GRIK4: variants seen among roughly 807,000 people sequenced by gnomAD.
GRIK4 encodes glutamate ionotropic receptor kainate type subunit 4, also known as glutamate receptor ionotropic, kainate 4.
In GRIK4, 40 loss-of-function variants were observed where a neutral mutation model predicts 104.9. That is an observed-to-expected ratio of 0.38 (90% CI 0.30 to 0.50). GRIK4 has a LOEUF of 0.50. Ranked by LOEUF, GRIK4 falls within the 20% of genes least tolerant of loss-of-function variation. GRIK4 has a pLI of 0.93. For synonymous variants in GRIK4, 485 were observed against 524.9 expected, an observed-to-expected ratio of 0.92 and a Z score of 1.04; for missense variants, 1,047 against 1,308.1, an observed-to-expected ratio of 0.80 and a Z score of 3.08.
chr11:120,824,558 T>G (rs924581742), intron 6 of GRIK4, among the ~76,000 whole-genome samples: 14 of 143,774 alleles, frequency 9.7e-5, no homozygotes, highest in Admixed American at 3.4e-4. Flanking sequence ...CTTTTCTTTT[T>G]TTTTTTTTTT....
chr11:120,735,998 A>T (rs138028691), intron 3 of GRIK4, among the ~76,000 whole-genome samples: 10 of 152,100 alleles, frequency 6.6e-5, no homozygotes, highest in African/African-American at 2.4e-4. Flanking sequence ...GGACTCAGGG[A>T]TCCCAAGAGC....
At chr11:120,787,477 T>G (rs1952305021) in intron 3 of GRIK4, among the ~76,000 whole-genome samples, 1 of 151,844 alleles carries the variant, frequency 6.6e-6, no homozygotes, top group African/African-American at 2.4e-5. Context: ...TTTTATTTTA[T>G]TTTTTGAGAC....
At chr11:120,554,987 C>T (rs1948173756) in intron 1 of GRIK4, among the ~76,000 whole-genome samples, 1 of 152,144 alleles carries the variant, frequency 6.6e-6, no homozygotes, top group Non-Finnish European at 1.5e-5. Context: ...CAGAGGGAGA[C>T]CGCAACCACA....
intron 1 of GRIK4, among the ~76,000 whole-genome samples, chr11:120,650,306 C>A (rs1374133478): frequency 2.6e-5 from 4 of 152,186 alleles, no homozygotes; most frequent in African/African-American, 9.7e-5. Flanking sequence ...GGCTTTTGTA[C>A]TTACGGATGC....
At chr11:120,885,793 G>A (rs1006359589) in intron 11 of GRIK4, among the ~76,000 whole-genome samples, 12 of 152,224 alleles carry the variant, frequency 7.9e-5, no homozygotes, top group Admixed American at 1.3e-4. Flanking sequence ...CCATGAGCTA[G>A]GTGGGAAGTC....
Position 120,902,943 on chromosome 11 carries a change from C to T in GRIK4, c.1273-2347C>T, listed in dbSNP as rs564089574. 2.5e-3 allele frequency among the ~76,000 whole-genome samples: 375 copies of T among 152,270 alleles called. 2 individuals carry two copies. The highest frequency in any genetic ancestry group is 8.3e-3 in the African/African-American group (344 of 41,540). Reference sequence around the variant, plus strand: ...AGAATCAGAATCACGTCACCTTCCACTCAGAGCTCCCGCTCCCTGACACAT... The same window carrying T: ...AGAATCAGAATCACGTCACCTTCCATTCAGAGCTCCCGCTCCCTGACACAT... On this transcript the variant is annotated intron_variant, in intron 12 of 20. Coordinates refer to ENST00000527524, the MANE Select transcript of GRIK4 (RefSeq NM_014619.5). The surrounding 1 kb of genome is among the most constrained non-coding windows in gnomAD (Gnocchi z 4.5).
At chr11:120,834,439 T>A (rs537296795) in intron 7 of GRIK4, among the ~76,000 whole-genome samples, 1 of 152,318 alleles carries the variant, frequency 6.6e-6, no homozygotes, top group South Asian at 2.1e-4. Context: ...CACTGATCAA[T>A]GAGCAGCAAG....
At chr11:120,781,939 C>T (rs1952166211) in intron 3 of GRIK4, among the ~76,000 whole-genome samples, 2 of 152,156 alleles carry the variant, frequency 1.3e-5, no homozygotes, top group African/African-American at 2.4e-5. Context: ...CCGCTGAACG[C>T]CAGTGGCTGC....
chr11:120,577,269 C>T (rs990224911), intron 1 of GRIK4, among the ~76,000 whole-genome samples: 3 of 152,022 alleles, frequency 2.0e-5, no homozygotes, highest in Admixed American at 2.0e-4. Flanking sequence ...ACATGTGGAG[C>T]ATGGGGTGGA....
intron 1 of GRIK4, among the ~76,000 whole-genome samples, chr11:120,629,920 C>G (rs1591753499): frequency 1.3e-5 from 2 of 152,302 alleles, no homozygotes; most frequent in East Asian, 3.9e-4. Context: ...TGTCCTAGTG[C>G]TAATCCAGTT....
At chr11:120,979,896 G>A (rs1013152376) in intron 19 of GRIK4, among the ~76,000 whole-genome samples, 12 of 152,192 alleles carry the variant, frequency 7.9e-5, no homozygotes, top group South Asian at 2.1e-4. Context: ...GCTGGGGCAC[G>A]ATGTCGGATC....
At chr11:120,732,119 G>A (rs1410398584) in intron 3 of GRIK4, among the ~76,000 whole-genome samples, 2 of 151,454 alleles carry the variant, frequency 1.3e-5, no homozygotes, top group Admixed American at 6.6e-5. Flanking sequence ...TCTTGTTTTT[G>A]TTTTGTTTTG....
chr11:120,975,359 C>T (rs1446729901), intron 19 of GRIK4, among the ~76,000 whole-genome samples: 1 of 152,114 alleles, frequency 6.6e-6, no homozygotes, highest in Non-Finnish European at 1.5e-5. Context: ...AGGCTGGAAA[C>T]CTGAATATGG....
At chr11:120,595,674 C>T (rs1437585086) in intron 1 of GRIK4, among the ~76,000 whole-genome samples, 1 of 152,188 alleles carries the variant, frequency 6.6e-6, no homozygotes, top group African/African-American at 2.4e-5. Context: ...TCTCAGTTTG[C>T]TGGAACAGCT....
chr11:120,847,895 C>T (rs1321001571), intron 8 of GRIK4, among the ~76,000 whole-genome samples: 1 of 152,214 alleles, frequency 6.6e-6, no homozygotes, highest in African/African-American at 2.4e-5. Flanking sequence ...GTCCCTCTTC[C>T]AGGGAATGGG....
Position 120,936,415 on chromosome 11 carries a change from T to C in GRIK4, c.1477-3932T>C, listed in dbSNP as rs1005758472. On this transcript the variant is annotated intron_variant, in intron 13 of 20. Coordinates refer to ENST00000527524, the MANE Select transcript of GRIK4 (RefSeq NM_014619.5). Reference sequence around the variant, plus strand: ...TTTAACTTTTTTTCTGTCTCCCCTTTAGGAGAGATACGGGTTTCATTTCTC... The same window carrying C: ...TTTAACTTTTTTTCTGTCTCCCCTTCAGGAGAGATACGGGTTTCATTTCTC... The C allele has an allele frequency of 1.3e-5, 4 of 298,526 alleles. No individual in the cohort carries two copies. In the East Asian group the frequency reaches 2.6e-4, roughly 20 times the overall value. The allele number at this position is 298,526 out of a possible 1,614,324, so 18.5% of individuals were successfully genotyped here.
At chr11:120,943,153 C>T (rs113404441) in intron 14 of GRIK4, among the ~76,000 whole-genome samples, 1 of 89,312 alleles carries the variant, frequency 1.1e-5, no homozygotes, top group Non-Finnish European at 2.0e-5. Flanking sequence ...CACACACACC[C>T]CCCTGACTGT....
At chr11:120,811,557 G>A (rs1952828845) in intron 4 of GRIK4, among the ~76,000 whole-genome samples, 1 of 152,156 alleles carries the variant, frequency 6.6e-6, no homozygotes, top group Admixed American at 6.5e-5. Context: ...TCCCGTAAGA[G>A]TGCTTCGAAC....
At chr11:120,829,016 G>A (rs1953350570) in intron 6 of GRIK4, among the ~76,000 whole-genome samples, 2 of 152,286 alleles carry the variant, frequency 1.3e-5, no homozygotes, top group South Asian at 2.1e-4. Flanking sequence ...AGCCTTCCCT[G>A]TCTCGTCCCA....
Sources: gnomAD v4.1 joint callset for allele counts (sites outside exome capture counted in the v4.1 genomes callset) on GRCh38, gnomAD v4.1.1 for gene constraint, Gnocchi (gnomAD v3.1) non-coding constraint, MANE v1.5 for transcripts, NCBI Gene and HGNC (gene_info 2026-07-23, HGNC 2026-07-21) for gene names.